The following RASAL2 variants were observed in gnomAD, a reference collection of about 807,000 sequenced individuals.
RASAL2 encodes RAS protein activator like 2.
A neutral mutation model predicts 128.9 loss-of-function variants in RASAL2; 58 were observed. That is an observed-to-expected ratio of 0.45 (90% CI 0.36 to 0.56). The LOEUF is 0.56. Ranked by LOEUF, RASAL2 falls within the 20% of genes least tolerant of loss-of-function variation. The pLI, the probability that RASAL2 is intolerant of heterozygous loss-of-function variation, is 0.00. For synonymous variants in RASAL2, 561 were observed against 580.8 expected (o/e 0.97, Z 0.49); for missense variants, 1,360 against 1,601.6 (o/e 0.85, Z 2.57).
intron 1 of RASAL2, among the ~76,000 whole-genome samples, chr1:178,131,438 C>T (rs1405334850): frequency 1.7e-5 from 2 of 120,134 alleles, no homozygotes; most frequent in Admixed American, 1.2e-4. Context: ...CGAGGCTGGT[C>T]TCAAACTCCT....
chr1:178,119,466 G>A (rs1256980432), intron 1 of RASAL2, among the ~76,000 whole-genome samples: 2 of 152,118 alleles, frequency 1.3e-5, no homozygotes, highest in African/African-American at 4.8e-5. Flanking sequence ...CAGCTAGCCA[G>A]CATTTCTCTA....
At chr1:178,286,896 G>T (rs1667055887) in intron 2 of RASAL2, among the ~76,000 whole-genome samples, 1 of 152,078 alleles carries the variant, frequency 6.6e-6, no homozygotes, top group Non-Finnish European at 1.5e-5. Context: ...CCACCTTATT[G>T]CTACAACTCC....
In RASAL2 at chr1:178,247,494, T is replaced by C. The variant is rs535313198; in HGVS notation, c.203-36070T>C. On this transcript the variant is annotated intron_variant, in intron 1 of 17. Transcript: ENST00000367649. ...ATTAGTCTATCTAGTAGTCTATCTA[T>C]TTTGTTAATCTTTTCAGAAAACCAG... Among the ~76,000 whole-genome samples the C allele has an allele frequency of 3.3e-5, 5 of 152,258 alleles. No homozygotes were observed. The South Asian group carries it at 1.0e-3, about 32-fold the overall frequency.
chr1:178,395,911 T>A (rs1332912593), intron 4 of RASAL2, among the ~76,000 whole-genome samples: 2 of 151,594 alleles, frequency 1.3e-5, no homozygotes, highest in Non-Finnish European at 2.9e-5. Flanking sequence ...AACTATAGCC[T>A]GTAGATATTA....
chr1:178,457,637 T>C, intron 13 of RASAL2, 46 bp from the exon 14 acceptor site: 2 of 1,579,910 alleles, frequency 1.3e-6, no homozygotes, highest in Non-Finnish European at 8.6e-7. Context: ...CTTAGCCATG[T>C]TGAAGTTGTC....
chr1:178,172,167 A>C (rs950379717), intron 1 of RASAL2, among the ~76,000 whole-genome samples: 1 of 152,028 alleles, frequency 6.6e-6, no homozygotes, highest in Non-Finnish European at 1.5e-5. Context: ...TGAATTTGCA[A>C]GTCCTTCATA....
chr1:178,125,201 T>A (rs1285853769), intron 1 of RASAL2: 4 of 152,210 alleles, frequency 2.6e-5, no homozygotes, highest in African/African-American at 2.4e-5. Flanking sequence ...GTATAGTAAA[T>A]GTTTTACATT....
intron 4 of RASAL2, chr1:178,411,490 C>A: frequency 1.9e-6 from 1 of 515,260 alleles, no homozygotes; most frequent in South Asian, 2.0e-5. Flanking sequence ...TCTCACAAAT[C>A]ACCACTAAAG....
rs755476221 is a variant in RASAL2, at chr1:178,287,439, AGAAAAAAAT to A, written c.330+3757_330+3765del. ...TAAAATACAATAAAGTGGATTGTTA[AGAAAAAAAT>A]GAAAAAAAAAAGTAAAAATATAATC... On this transcript the variant is annotated intron_variant, in intron 2 of 17. Transcript: ENST00000367649. Among the ~76,000 whole-genome samples, 23 of 152,152 alleles carry A rather than the reference AGAAAAAAAT, an allele frequency of 1.5e-4. 1 individual carries two copies. The highest frequency in any genetic ancestry group is 2.2e-4 in the Non-Finnish European group (15 of 67,996).
chr1:178,404,148 C>T (rs934213993), intron 4 of RASAL2, among the ~76,000 whole-genome samples: 7 of 150,754 alleles, frequency 4.6e-5, no homozygotes, highest in Admixed American at 1.3e-4. Flanking sequence ...ATTGCTTGAA[C>T]CCGGGAGGCA....
At chr1:178,137,035 T>C (rs571843425) in intron 1 of RASAL2, among the ~76,000 whole-genome samples, 127 of 152,268 alleles carry the variant, frequency 8.3e-4, no homozygotes, top group African/African-American at 2.9e-3. Context: ...CATTTATTTG[T>C]ATTTAATTTT....
At chr1:178,140,359 C>T (rs997847799) in intron 1 of RASAL2, among the ~76,000 whole-genome samples, 1 of 152,126 alleles carries the variant, frequency 6.6e-6, no homozygotes, top group African/African-American at 2.4e-5. Context: ...CATTAGGTTT[C>T]TGTCTTTGTA....
rs1666893290 is a variant in RASAL2 at position 178,283,686 on chromosome 1, A to C, written c.325A>C (p.Lys109Gln). 6.2e-7 allele frequency: 1 copy of C among 1,612,930 alleles called. No individual in the cohort carries two copies. ...CCAGTTGGTATTGCTCAACAAGGAG[A>C]AGGAGGTGAGATGGATATTATTCAG... ...DSQLVLLNKE[K>Q]EIPVEGGQEQ... is the part of the protein sequence containing the mutation. Residue 109 changes from lysine to glutamine, a missense_variant, in exon 2 of 18, where the codon AAG becomes CAG. Transcript: ENST00000367649.
chr1:178,456,635 T>C, intron 12 of RASAL2, 86 bp from the exon 13 acceptor site: 1 of 1,423,230 alleles, frequency 7.0e-7, no homozygotes, highest in South Asian at 1.2e-5. Flanking sequence ...CACCCCTCCA[T>C]CAATGGCCAT....
intron 1 of RASAL2, among the ~76,000 whole-genome samples, chr1:178,253,068 C>T (rs1190851034): frequency 6.6e-6 from 1 of 152,120 alleles, no homozygotes; most frequent in Admixed American, 6.6e-5. Context: ...ATCTAGGTGT[C>T]AGCAGGGTTG....
At position 178,442,944 on chromosome 1, in the gene RASAL2, C is replaced by T; in HGVS notation, c.1197C>T (p.Asn399=). 6.2e-7 allele frequency: 1 copy of T among 1,614,044 alleles called. No homozygotes were observed. Among genetic ancestry groups the T allele is most frequent in the Non-Finnish European group, 8.5e-7 (1 of 1,179,978 alleles). Residue 399 remains asparagine (N), a synonymous_variant, in exon 8 of 18, where the codon AAC becomes AAT. Transcript: ENST00000367649. ...AGAATAATTATGTAGGGCTAGTCAA[C>T]ATCCCCACTGCCAGTGTGACTGGTC... ...KDKNNYVGLV[N]IPTASVTGRQ...
At chr1:178,265,044 T>G (rs1276244813) in intron 1 of RASAL2, among the ~76,000 whole-genome samples, 1 of 152,200 alleles carries the variant, frequency 6.6e-6, no homozygotes, top group Non-Finnish European at 1.5e-5. Context: ...AGCAGTTCTG[T>G]GCTAGGAACC....
chr1:178,229,912 A>G lies in RASAL2; in HGVS notation c.203-53652A>G, dbSNP rs563859637. Among the ~76,000 whole-genome samples, 53 of 152,318 alleles carry G rather than the reference A, an allele frequency of 3.5e-4. 1 individual carries two copies. The South Asian group carries it at 3.7e-3, about 11-fold the overall frequency. ...AATCCAGATCCCTATCAAAGCTTAG[A>G]AAGTTTCCATCACCAAAAGCTTCCT... On this transcript the variant is annotated intron_variant, in intron 1 of 17. Coordinates refer to ENST00000367649, the MANE Select transcript of RASAL2 (RefSeq NM_170692.4).
chr1:178,215,706 T>G (rs1268995346), intron 1 of RASAL2, among the ~76,000 whole-genome samples: 1 of 152,204 alleles, frequency 6.6e-6, no homozygotes, highest in Non-Finnish European at 1.5e-5. Flanking sequence ...GAAAAAGTAT[T>G]ATGAATGTTT....
Sources: gnomAD v4.1 joint callset for allele counts (sites outside exome capture counted in the v4.1 genomes callset) on GRCh38, gnomAD v4.1.1 for gene constraint, MANE v1.5 for transcripts, NCBI Gene and HGNC (gene_info 2026-07-23, HGNC 2026-07-21) for gene names.